MROH9: variants seen among roughly 807,000 people sequenced by gnomAD.
MROH9 encodes maestro heat-like repeat-containing protein family member 9.
MROH9 carries 92 observed loss-of-function variants against 98.2 expected under a neutral mutation model. The ratio of observed to expected loss-of-function variants is 0.94; its 90% confidence interval spans 0.79 to 1.11. The LOEUF is 1.11. Among genes scored for constraint, MROH9 ranks in the 50% most tolerant of loss-of-function variants. The pLI is 0.00. For missense variants in MROH9, 1,057 were observed against 1,014.8 expected (o/e 1.04, Z -0.57); for synonymous variants, 397 against 368.9 (o/e 1.08, Z -0.87).
At chr1:170,962,929 G>T (rs746595214) in intron 6 of MROH9, among the ~76,000 whole-genome samples, 1 of 151,778 alleles carries the variant, frequency 6.6e-6, no homozygotes, top group African/African-American at 2.4e-5. Flanking sequence ...CAAAAATTTC[G>T]TGAAAAAGAC....
At chr1:171,020,800 C>T (rs866949351) in intron 17 of MROH9, among the ~76,000 whole-genome samples, 2 of 151,990 alleles carry the variant, frequency 1.3e-5, no homozygotes, top group African/African-American at 4.8e-5. Context: ...ATGGTACTCA[C>T]GTAGGAAGAG....
At chr1:171,017,163 T>C (rs561308992) in intron 17 of MROH9, among the ~76,000 whole-genome samples, 12 of 152,218 alleles carry the variant, frequency 7.9e-5, no homozygotes, top group Non-Finnish European at 1.2e-4. Flanking sequence ...GATGGTCAAC[T>C]AGAAGCAGCA....
At chr1:170,941,501 G>A (rs112718721) in intron 1 of MROH9, among the ~76,000 whole-genome samples, 3,445 of 152,118 alleles carry the variant, frequency 0.023, 131 homozygotes, top group African/African-American at 0.074. Flanking sequence ...TAACTTCTAG[G>A]AACACCATGA....
In MROH9 at chr1:171,025,428, T is replaced by C. The variant is rs562325927; in HGVS notation, c.2281+8T>C. 1.3e-6 allele frequency: 2 copies of C among 1,491,636 alleles called. No individual in the cohort carries two copies. Among genetic ancestry groups the C allele is most frequent in the East Asian group, 4.9e-5 (2 of 40,574 alleles). 92.4% of individuals were successfully genotyped at this position (1,491,636 alleles called of 1,614,324 possible). ...CATCGGTTATTTTGATAGGTAAATA[T>C]AATTCAGTTCTCAATTCCTAACTTG... On this transcript the variant is annotated splice_region_variant and intron_variant, in intron 20 of 21. Transcript: ENST00000367759.
At chr1:170,966,386 CCT>C (rs1231888785) in intron 7 of MROH9, among the ~76,000 whole-genome samples, 1 of 152,040 alleles carries the variant, frequency 6.6e-6, no homozygotes, top group Non-Finnish European at 1.5e-5. Context: ...GTATATTCAG[CCT>C]CTGTTTCCCA....
rs575924486 is a variant in MROH9 at position 171,005,887 on chromosome 1, T to C, written c.1596+7613T>C. On this transcript the variant is annotated intron_variant, in intron 15 of 21. Transcript: ENST00000367759. The stretch of plus-strand genomic sequence containing the variant: ...CCTTTACATATTTTTATATTGTGTG[T>C]TCATTAACAAATTATTGAAGCTATA... Among the ~76,000 whole-genome samples the C allele has an allele frequency of 3.3e-5, 5 of 152,188 alleles. No homozygotes were observed. The East Asian group carries it at 9.6e-4, about 29-fold the overall frequency.
At chr1:171,060,075 T>C (rs1291126719) in intron 20 of MROH9, among the ~76,000 whole-genome samples, 1 of 150,988 alleles carries the variant, frequency 6.6e-6, no homozygotes, top group Non-Finnish European at 1.5e-5. Flanking sequence ...AGGTGACAGG[T>C]GCGCCAAAAT....
intron 20 of MROH9, among the ~76,000 whole-genome samples, chr1:171,037,544 A>C (rs1040431158): frequency 6.6e-6 from 1 of 152,014 alleles, no homozygotes; most frequent in Non-Finnish European, 1.5e-5. Flanking sequence ...TTCTAAATGA[A>C]TCTATGCATG....
At chr1:170,947,967 A>T (rs1445231535) in intron 3 of MROH9, among the ~76,000 whole-genome samples, 1 of 151,868 alleles carries the variant, frequency 6.6e-6, no homozygotes, top group African/African-American at 2.4e-5. Flanking sequence ...TGATTGAATG[A>T]TATTATTTCC....
intron 4 of MROH9, 102 bp from the exon 5 acceptor site, chr1:170,959,360 G>T (rs1329005324): frequency 1.8e-6 from 2 of 1,107,732 alleles, no homozygotes; most frequent in Non-Finnish European, 2.4e-6. Flanking sequence ...GGGTGACAGA[G>T]CGAGACTCTG....
In MROH9 at chr1:171,043,353, G is replaced by A. The variant is rs184967822; in HGVS notation, c.2281+17933G>A. On this transcript the variant is annotated intron_variant, in intron 20 of 21. Coordinates refer to ENST00000367759, the MANE Select transcript of MROH9 (RefSeq NM_001163629.2). ...TGGTCTGTGTGTCTGTTTTTATGCCGGTACCATGTTGTTTTGGTTATTATA... is the reference window on the plus strand; with the variant it reads ...TGGTCTGTGTGTCTGTTTTTATGCCAGTACCATGTTGTTTTGGTTATTATA... Among the ~76,000 whole-genome samples, 275 of 151,914 alleles carry A rather than the reference G, an allele frequency of 1.8e-3. 2 individuals are homozygous for A. Among genetic ancestry groups the A allele is most frequent in the African/African-American group, 6.2e-3 (255 of 41,454 alleles).
chr1:170,940,908 C>T (rs1313893696), intron 1 of MROH9, among the ~76,000 whole-genome samples: 1 of 152,178 alleles, frequency 6.6e-6, no homozygotes, highest in Non-Finnish European at 1.5e-5. Flanking sequence ...TCCCCCATTC[C>T]ACAGTTCCGG....
intron 6 of MROH9, among the ~76,000 whole-genome samples, chr1:170,963,541 G>C (rs1437759661): frequency 6.6e-6 from 1 of 151,974 alleles, no homozygotes; most frequent in Admixed American, 6.6e-5. Flanking sequence ...ACATATACTT[G>C]TTGCAGCACT....
intron 20 of MROH9, among the ~76,000 whole-genome samples, chr1:171,030,076 T>C (rs1652855639): frequency 6.6e-6 from 1 of 152,228 alleles, no homozygotes; most frequent in African/African-American, 2.4e-5. Context: ...TTCTAGTTTA[T>C]TTGCATAGAG....
At chr1:170,970,725 T>TGAGAGA (rs1557878679) in intron 7 of MROH9, among the ~76,000 whole-genome samples, 1 of 129,512 alleles carries the variant, frequency 7.7e-6, no homozygotes, top group Non-Finnish European at 1.6e-5. Context: ...TGTGTGTGTG[T>TGAGAGA]GTGTGTGAGA....
At chr1:170,985,128 A>G (rs1479032097) in intron 9 of MROH9, among the ~76,000 whole-genome samples, 1 of 152,210 alleles carries the variant, frequency 6.6e-6, no homozygotes, top group Non-Finnish European at 1.5e-5. Flanking sequence ...CAAAAGTGTC[A>G]TTAACTAAAA....
chr1:170,935,983 A>G (rs1475444226), intron 1 of MROH9, among the ~76,000 whole-genome samples: 8 of 48,318 alleles, frequency 1.7e-4, no homozygotes. Flanking sequence ...AGAGTGAGAC[A>G]AAAAAAAAAA....
intron 7 of MROH9, among the ~76,000 whole-genome samples, chr1:170,970,727 TGTGTGAGAGAGAGA>T (rs1328644226): frequency 4.8e-5 from 6 of 124,450 alleles, no homozygotes; most frequent in Admixed American, 1.6e-4. Flanking sequence ...TGTGTGTGTG[TGTGTGAGAGAGAGA>T]GAGAGAGAGA....
chr1:170,983,620 C>T (rs911653245), intron 9 of MROH9, 86 bp downstream of exon 9: 4 of 797,016 alleles, frequency 5.0e-6, no homozygotes, highest in Non-Finnish European at 8.1e-6. Context: ...AAGTTTATGT[C>T]GTTAGTATTT....
Sources: gnomAD v4.1 joint callset for allele counts (sites outside exome capture counted in the v4.1 genomes callset) on GRCh38, gnomAD v4.1.1 for gene constraint, MANE v1.5 for transcripts, NCBI Gene and HGNC (gene_info 2026-07-23, HGNC 2026-07-21) for gene names.